Variants in MLYCD observed in about 807,000 individuals in gnomAD.
The protein encoded by MLYCD is malonyl-CoA decarboxylase, mitochondrial.
A neutral mutation model predicts 35.8 loss-of-function variants in MLYCD; 27 were observed. The observed-to-expected ratio is 0.75, with a 90% CI of 0.56 to 1.04. MLYCD has a LOEUF of 1.04. Among genes scored for constraint, MLYCD ranks in the 50% least tolerant of loss-of-function variants. The pLI is 0.00. For missense variants in MLYCD, 917 were observed against 665.1 expected (o/e 1.38, Z -4.17); for synonymous variants, 403 against 302.4 (o/e 1.33, Z -3.45).
At chr16:83,908,315 G>T in intron 3 of MLYCD, 33 bp downstream of exon 3, 1 of 1,612,268 alleles carries the variant, frequency 6.2e-7, no homozygotes, top group Non-Finnish European at 8.5e-7. Flanking sequence ...GACAAGATGG[G>T]CACCCCATAG....
Position 83,907,017 on chromosome 16 carries a change from T to G in MLYCD, c.559T>G (p.Ser187Ala). The G allele has an allele frequency of 6.2e-7, 1 of 1,614,188 alleles. No individual in the cohort carries two copies. The highest frequency in any genetic ancestry group is 8.5e-7 in the Non-Finnish European group (1 of 1,180,018). Reference protein sequence around the residue: ...EMNGVLKGMLSEWFSSGFLNL... With the variant: ...EMNGVLKGMLAEWFSSGFLNL... ...GAATGGGGTGCTGAAAGGAATGCTC[T>G]CAGAATGGTTTTCCTCCGGGTTCCT... Residue 187 changes from serine (S) to alanine (A), a missense_variant, in exon 2 of 5, where the codon TCA (serine) becomes GCA (alanine). Ser to Ala is a moderately conservative substitution (Grantham distance 99, BLOSUM62 1). Coordinates refer to ENST00000262430, the MANE Select transcript of MLYCD (RefSeq NM_012213.3).
chr16:83,921,901 A>G lies in MLYCD; in HGVS notation c.*6412A>G, dbSNP rs1008308808. 1.3e-5 allele frequency: 2 copies of G among 152,286 alleles called. No homozygotes were observed. The highest frequency in any genetic ancestry group is 2.9e-5 in the Non-Finnish European group (2 of 68,104). The allele number at this position is 152,286 out of a possible 1,614,324, so 9.4% of individuals were successfully genotyped here. ...CCTAGTGTTCTGAACTACACCCTACAGGAAAGTGCTACTCAGTGCCCAGGT... is the reference window on the plus strand; with the variant it reads ...CCTAGTGTTCTGAACTACACCCTACGGGAAAGTGCTACTCAGTGCCCAGGT... On this transcript the variant is annotated 3_prime_UTR_variant, in exon 5 of 5. Coordinates refer to ENST00000262430, the MANE Select transcript of MLYCD (RefSeq NM_012213.3).
intron 4 of MLYCD, 61 bp from the exon 5 acceptor site, chr16:83,914,895 A>C: frequency 3.1e-6 from 5 of 1,610,812 alleles, no homozygotes; most frequent in Non-Finnish European, 4.2e-6. Context: ...CTCTGTTGGT[A>C]ACGTACCTGC....
intron 3 of MLYCD, among the ~76,000 whole-genome samples, chr16:83,911,213 C>T (rs1473440104): frequency 1.3e-5 from 2 of 152,118 alleles, no homozygotes; most frequent in African/African-American, 2.4e-5. Context: ...CTCCTGACCT[C>T]GTGATCTGCC....
Position 83,899,286 on chromosome 16 carries a change from G to A in MLYCD, c.142G>A (p.Val48Met). The A allele has an allele frequency of 6.8e-7, 1 of 1,476,710 alleles. No individual in the cohort carries two copies. The highest frequency in any genetic ancestry group is 8.9e-7 in the Non-Finnish European group (1 of 1,119,704). The allele number at this position is 1,476,710 out of a possible 1,614,324, so 91.5% of individuals were successfully genotyped here. A position where few individuals can be genotyped will look rare whatever the true frequency, so the allele number is the denominator to read the frequency against. Reference sequence around the variant, plus strand: ...CATGGACGAGCTGCTGCGCCGCGCGGTGCCGCCGACGCCGGCCTACGAGCT... The same window carrying A: ...CATGGACGAGCTGCTGCGCCGCGCGATGCCGCCGACGCCGGCCTACGAGCT... ...RAMDELLRRA[V>M]PPTPAYELRE... The change falls in exon 1 of 5, where the codon GTG becomes ATG. Residue 48 changes from valine to methionine, a missense_variant. Coordinates refer to ENST00000262430, the MANE Select transcript of MLYCD (RefSeq NM_012213.3).
chr16:83,908,825 G>A (rs764167204), intron 3 of MLYCD, among the ~76,000 whole-genome samples: 24 of 152,234 alleles, frequency 1.6e-4, no homozygotes, highest in Non-Finnish European at 3.2e-4. Flanking sequence ...AAACACTCCT[G>A]CAGGCCCGTG....
At chr16:83,911,182 G>A (rs1907166614) in intron 3 of MLYCD, among the ~76,000 whole-genome samples, 1 of 152,096 alleles carries the variant, frequency 6.6e-6, no homozygotes. Context: ...GTTTCACCGT[G>A]TTAGCCAGGG....
intron 1 of MLYCD, 71 bp from the exon 2 acceptor site, chr16:83,906,916 C>A: frequency 7.7e-7 from 1 of 1,290,586 alleles, no homozygotes; most frequent in Non-Finnish European, 1.1e-6. Flanking sequence ...ATTCCTTGTG[C>A]TGACCACAAC....
At chr16:83,907,556 G>A (rs1479931747) in intron 2 of MLYCD, among the ~76,000 whole-genome samples, 1 of 152,150 alleles carries the variant, frequency 6.6e-6, no homozygotes, top group Non-Finnish European at 1.5e-5. Context: ...GTATGACACA[G>A]GCTAGCATGT....
At chr16:83,901,677 C>T (rs1045885598) in intron 1 of MLYCD, among the ~76,000 whole-genome samples, 3 of 152,122 alleles carry the variant, frequency 2.0e-5, no homozygotes, top group Non-Finnish European at 4.4e-5. Flanking sequence ...TTGGTTATCG[C>T]GTCATTGGGA....
intron 3 of MLYCD, among the ~76,000 whole-genome samples, chr16:83,909,886 G>A (rs1011274139): frequency 6.6e-6 from 1 of 151,894 alleles, no homozygotes; most frequent in African/African-American, 2.4e-5. Context: ...GCCCGCCGCG[G>A]CTTCCCAAAG....
Position 83,915,399 on chromosome 16 carries a change from C to A in MLYCD, c.1392C>A (p.Asn464Lys), listed in dbSNP as rs760255468. Reference sequence around the variant, plus strand: ...ACTTCCTGGAGGAGACGGGCCCCAACAGCACCTCCTACCTCGGCTCCAAGA... The same window carrying A: ...ACTTCCTGGAGGAGACGGGCCCCAAAAGCACCTCCTACCTCGGCTCCAAGA... ...YRYFLEETGP[N>K]STSYLGSKII... Residue 464 changes from asparagine (N) to lysine (K), a missense_variant, in exon 5 of 5, where the codon AAC becomes AAA. Physicochemically the swap from Asn to Lys is moderately conservative, Grantham distance 94. Transcript: ENST00000262430. 5 of 1,613,912 alleles carry A rather than the reference C, an allele frequency of 3.1e-6. No individual in the cohort carries two copies. Among genetic ancestry groups the A allele is most frequent in the South Asian group, 1.1e-5 (1 of 91,088 alleles).
rs1020518291 is a variant in MLYCD at position 83,922,098 on chromosome 16, C to T, written c.*6609C>T. 1 of 152,226 alleles carries T rather than the reference C, an allele frequency of 6.6e-6. No homozygotes were observed. Among genetic ancestry groups the T allele is most frequent in the Admixed American group, 6.5e-5 (1 of 15,270 alleles). 9.4% of individuals were successfully genotyped at this position (152,226 alleles called of 1,614,324 possible). A position where few individuals can be genotyped will look rare whatever the true frequency, so the allele number is the denominator to read the frequency against. On this transcript the variant is annotated 3_prime_UTR_variant, in exon 5 of 5. Transcript: ENST00000262430. ...TCACCGTAGCTGCACAATAAATTGT[C>T]ATGAGTGCTTTCCACTGTGTCCCAG...
rs1907739071 is a variant in MLYCD at position 83,924,234 on chromosome 16, G to A, written c.*8745G>A. The A allele has an allele frequency of 6.6e-6, 1 of 152,262 alleles. No homozygotes were observed. Among genetic ancestry groups the A allele is most frequent in the Admixed American group, 6.5e-5 (1 of 15,276 alleles). 9.4% of individuals were successfully genotyped at this position (152,262 alleles called of 1,614,324 possible). A position where few individuals can be genotyped will look rare whatever the true frequency, so the allele number is the denominator to read the frequency against. The stretch of plus-strand genomic sequence containing the variant: ...CCAGACTCAGCCCGGGCCGTGGTGG[G>A]AACGATGGTTGGCCCGGTTTGGAGA... On this transcript the variant is annotated 3_prime_UTR_variant, in exon 5 of 5. Coordinates refer to ENST00000262430, the MANE Select transcript of MLYCD (RefSeq NM_012213.3).
At position 83,915,080 on chromosome 16, in the gene MLYCD, C is replaced by G. The variant is rs200573073; in HGVS notation, c.1073C>G (p.Ser358Trp). 2.0e-5 allele frequency: 33 copies of G among 1,614,226 alleles called. 1 individual carries two copies. The highest frequency in any genetic ancestry group is 1.8e-4 in the South Asian group (16 of 91,080). ...EHGRNELFTD[S>W]ECKEISEITG... Reference sequence around the variant, plus strand: ...GGGAGGAATGAACTCTTTACAGATTCGGAATGTAAGGAAATCTCGGAGATC... The same window carrying G: ...GGGAGGAATGAACTCTTTACAGATTGGGAATGTAAGGAAATCTCGGAGATC... Residue 358 changes from serine (S) to tryptophan (W), a missense_variant, in exon 5 of 5, where the codon TCG becomes TGG. Ser to Trp is a radical substitution (Grantham distance 177). Transcript: ENST00000262430.
chr16:83,914,024 T>C (rs899555252), intron 4 of MLYCD: 1 of 152,212 alleles, frequency 6.6e-6, no homozygotes, highest in African/African-American at 2.4e-5. Context: ...GTCTCACCCA[T>C]GCAAAAATCG....
chr16:83,914,562 G>C (rs1907301435), intron 4 of MLYCD: 1 of 321,622 alleles, frequency 3.1e-6, no homozygotes, highest in Non-Finnish European at 6.0e-6. Context: ...TGGGGACAGA[G>C]ACGCCCTGCC....
intron 1 of MLYCD, among the ~76,000 whole-genome samples, chr16:83,901,888 G>A (rs72791514): frequency 0.14 from 21,915 of 152,098 alleles, 2,199 homozygotes; most frequent in African/African-American, 0.29. Context: ...TGGACCAGAG[G>A]TGTTTATCAA....
intron 1 of MLYCD, among the ~76,000 whole-genome samples, chr16:83,904,127 C>T (rs544628411): frequency 6.6e-6 from 1 of 152,110 alleles, no homozygotes; most frequent in South Asian, 2.1e-4. Context: ...TTTCATCAGC[C>T]AAACCATTTC....
Sources: allele counts gnomAD v4.1 joint callset (sites outside exome capture counted in the v4.1 genomes callset), GRCh38; gene constraint gnomAD v4.1.1; transcripts MANE v1.5; gene names NCBI Gene and HGNC (gene_info 2026-07-23, HGNC 2026-07-21).